Variants in HS1BP3 observed in about 807,000 individuals in gnomAD.
The protein encoded by HS1BP3 is HCLS1-binding protein 3.
HS1BP3 carries 32 observed loss-of-function variants against 33.5 expected under a neutral mutation model. The ratio of observed to expected loss-of-function variants is 0.95; its 90% CI spans 0.72 to 1.28. HS1BP3 has a LOEUF of 1.28. Ranked by LOEUF, HS1BP3 falls within the 50% of genes most tolerant of loss-of-function variation. The pLI is 0.00. For synonymous variants in HS1BP3, 187 were observed against 209.2 expected (o/e 0.89, Z 0.92); for missense variants, 486 against 502.3 (o/e 0.97, Z 0.31).
chr2:20,558,757 T>C (rs1387708417), downstream of HS1BP3, among the ~76,000 whole-genome samples: 1 of 152,044 alleles, frequency 6.6e-6, no homozygotes, highest in African/African-American at 2.4e-5. Context: ...GCAAGATGGT[T>C]ACAGGGCCCC....
intron 4 of HS1BP3, among the ~76,000 whole-genome samples, chr2:20,631,028 T>C (rs1297912993): frequency 6.6e-6 from 1 of 152,086 alleles, no homozygotes; most frequent in Non-Finnish European, 1.5e-5. Context: ...TCCCCAACCA[T>C]GTTTCCTTAC....
chr2:20,566,774 T>C (rs531093448), intron 5 of HS1BP3, among the ~76,000 whole-genome samples: 53 of 151,908 alleles, frequency 3.5e-4, no homozygotes, highest in African/African-American at 1.1e-3. Context: ...GCCCAGCTAA[T>C]TTTTGTATTT....
At chr2:20,636,363 A>G (rs970784759) in intron 4 of HS1BP3, 1 of 152,372 alleles carries the variant, frequency 6.6e-6, no homozygotes, top group East Asian at 1.9e-4. Flanking sequence ...ACCATCTGTG[A>G]AAGGGGGATA....
At chr2:20,595,502 C>T (rs1189344335) in intron 3 of HS1BP3, among the ~76,000 whole-genome samples, 4 of 152,190 alleles carry the variant, frequency 2.6e-5, no homozygotes, top group Non-Finnish European at 5.9e-5. Flanking sequence ...AGGAGGGCTT[C>T]CTGGAGGAGG....
At chr2:20,597,185 A>C (rs534313538) in intron 3 of HS1BP3, among the ~76,000 whole-genome samples, 1 of 152,140 alleles carries the variant, frequency 6.6e-6, no homozygotes, top group Non-Finnish European at 1.5e-5. Flanking sequence ...CCATCCCCTT[A>C]TTGACCTTCT....
chr2:20,579,020 A>G (rs2149274976), intron 5 of HS1BP3, among the ~76,000 whole-genome samples: 1 of 152,344 alleles, frequency 6.6e-6, no homozygotes, highest in African/African-American at 2.4e-5. Flanking sequence ...AGGCTGAGCC[A>G]GGTTTGGTGG....
chr2:20,649,762 T>A (rs1695630899), intron 1 of HS1BP3, among the ~76,000 whole-genome samples: 1 of 152,164 alleles, frequency 6.6e-6, no homozygotes. Flanking sequence ...TCCTTGGGTG[T>A]GCTGGTGCCC....
intron 1 of HS1BP3, among the ~76,000 whole-genome samples, chr2:20,649,854 G>GCAGCGGGGCAA (rs1251264466): frequency 5.9e-5 from 9 of 152,310 alleles, no homozygotes; most frequent in Non-Finnish European, 1.3e-4. Flanking sequence ...TCCAGGCTGT[G>GCAGCGGGGCAA]CAGCGGGGCA....
chr2:20,628,007 G>T (rs567945181), intron 4 of HS1BP3, among the ~76,000 whole-genome samples: 1 of 152,130 alleles, frequency 6.6e-6, no homozygotes, highest in Non-Finnish European at 1.5e-5. Context: ...TCCCCAAGGC[G>T]GGAGGGGCAG....
intron 4 of HS1BP3, 137 bp from the exon 5 acceptor site, chr2:20,625,029 C>T: frequency 9.8e-7 from 1 of 1,022,008 alleles, no homozygotes; most frequent in Non-Finnish European, 1.5e-6. Context: ...GCCAGAGGGA[C>T]CAGGGAAGTC....
the HS1BP3 span, among the ~76,000 whole-genome samples, chr2:20,554,643 A>G: frequency 6.7e-6 from 1 of 148,346 alleles, no homozygotes; most frequent in Non-Finnish European, 1.5e-5. Context: ...AATCGCTTGA[A>G]CCCAGGAGGC....
At chr2:20,561,663 G>T (rs543967416) in intron 5 of HS1BP3, among the ~76,000 whole-genome samples, 1 of 152,106 alleles carries the variant, frequency 6.6e-6, no homozygotes, top group Non-Finnish European at 1.5e-5. Flanking sequence ...CTGCCCCTCC[G>T]TCTCAAAATG....
downstream of HS1BP3, chr2:20,591,189 G>C (rs1693804926): frequency 6.0e-6 from 1 of 167,156 alleles, no homozygotes; most frequent in Non-Finnish European, 1.5e-5. Context: ...CCACTGGAGA[G>C]GGACGCCTCC....
intron 6 of HS1BP3, chr2:20,623,650 A>T (rs984824721): frequency 1.9e-5 from 8 of 420,050 alleles, no homozygotes; most frequent in Middle Eastern, 5.9e-4. Context: ...GTGAAAAGAA[A>T]GACTGGTTGT....
chr2:20,628,679 G>A (rs11688002), intron 4 of HS1BP3, among the ~76,000 whole-genome samples: 25,905 of 151,672 alleles, frequency 0.17, 2,480 homozygotes, highest in Non-Finnish European at 0.21. Flanking sequence ...AGGGTGTTCC[G>A]CTCTGTCACG....
intron 5 of HS1BP3, among the ~76,000 whole-genome samples, chr2:20,585,339 G>A (rs937493053): frequency 6.6e-6 from 1 of 152,176 alleles, no homozygotes; most frequent in African/African-American, 2.4e-5. Context: ...ACAATCCTGG[G>A]TTACTAATAC....
rs142454714 is a variant in HS1BP3, at chr2:20,565,825, C to T, written c.303-5310G>A. ...GCGGGACAGCAGCAGCCCAGAGAGC[C>T]GGAGCCCTGCTGGAGCCTGCGCAGT... On this transcript the variant is annotated intron_variant, in intron 5 of 5. Coordinates refer to the HS1BP3 transcript ENST00000446825. Among the ~76,000 whole-genome samples, 355 of 152,304 alleles carry T rather than the reference C, an allele frequency of 2.3e-3. 1 individual carries two copies. The highest frequency in any genetic ancestry group is 6.6e-3 in the African/African-American group (274 of 41,580).
chr2:20,606,835 A>G (rs1209965158), intron 2 of HS1BP3, among the ~76,000 whole-genome samples: 1 of 152,126 alleles, frequency 6.6e-6, no homozygotes, highest in Non-Finnish European at 1.5e-5. Context: ...GGAGTTCTTT[A>G]TATATTCTAG....
At chr2:20,594,663 CT>C (rs1219218528) in intron 3 of HS1BP3, among the ~76,000 whole-genome samples, 1 of 152,196 alleles carries the variant, frequency 6.6e-6, no homozygotes, top group African/African-American at 2.4e-5. Context: ...GTGAGGTCCC[CT>C]ATCTCAATCC....
Sources: gnomAD v4.1 joint callset for allele counts (sites outside exome capture counted in the v4.1 genomes callset) on GRCh38, gnomAD v4.1.1 for gene constraint, MANE v1.5 for transcripts, NCBI Gene and HGNC (gene_info 2026-07-23, HGNC 2026-07-21) for gene names.